RIMKLB: variants seen among roughly 807,000 people sequenced by gnomAD.
RIMKLB encodes the protein beta-citrylglutamate synthase B.
In RIMKLB, 7 loss-of-function variants were observed where a neutral mutation model predicts 32.0. The ratio of observed to expected loss-of-function variants is 0.22; its 90% CI spans 0.12 to 0.41. RIMKLB has a LOEUF of 0.41. Among genes scored for constraint, RIMKLB ranks in the 10% least tolerant of loss-of-function variants. The pLI is 1.00. For missense variants in RIMKLB, 289 were observed against 498.7 expected (o/e 0.58, Z 4.00); for synonymous variants, 172 against 185.1 (o/e 0.93, Z 0.57).
upstream of RIMKLB, among the ~76,000 whole-genome samples, chr12:8,695,191 GC>G (rs1942849614): frequency 2.4e-5 from 2 of 82,884 alleles, no homozygotes; most frequent in Admixed American, 1.2e-4. Flanking sequence ...GCACCGCCCC[GC>G]CCCCCCGCCC....
intron 4 of RIMKLB, among the ~76,000 whole-genome samples, chr12:8,752,519 T>C (rs1452584613): frequency 6.6e-6 from 1 of 151,962 alleles, no homozygotes; most frequent in Non-Finnish European, 1.5e-5. Context: ...ACCACTGCAC[T>C]CCAACCTGGT....
chr12:8,713,323 A>G (rs751584452), intron 1 of RIMKLB, among the ~76,000 whole-genome samples: 9 of 152,218 alleles, frequency 5.9e-5, no homozygotes, highest in Admixed American at 1.3e-4. Context: ...CTACATACCT[A>G]TAACAAAACC....
At chr12:8,717,608 A>G (rs1228271110) in intron 2 of RIMKLB, among the ~76,000 whole-genome samples, 5 of 152,154 alleles carry the variant, frequency 3.3e-5, no homozygotes, top group Admixed American at 1.3e-4. Flanking sequence ...ATTCTCCCTT[A>G]CTTCCAGATA....
chr12:8,765,483 G>GCTAA (rs1949880242), intron 5 of RIMKLB, among the ~76,000 whole-genome samples: 1 of 152,146 alleles, frequency 6.6e-6, no homozygotes, highest in Non-Finnish European at 1.5e-5. Flanking sequence ...GTTAGTGTCT[G>GCTAA]ATTTAGCAGT....
chr12:8,722,051 G>C (rs905505255), intron 2 of RIMKLB, among the ~76,000 whole-genome samples: 23 of 152,010 alleles, frequency 1.5e-4, no homozygotes, highest in Non-Finnish European at 2.8e-4. Flanking sequence ...GCCTATGAGT[G>C]TTCTTAATGG....
intron 5 of RIMKLB, among the ~76,000 whole-genome samples, chr12:8,768,010 G>A (rs1274729408): frequency 6.6e-6 from 1 of 152,142 alleles, no homozygotes; most frequent in East Asian, 1.9e-4. Context: ...TGGCGGCAGG[G>A]CCACTTCCAA....
chr12:8,748,522 G>GTGTC (rs1447529644), intron 2 of RIMKLB, among the ~76,000 whole-genome samples: 1 of 81,940 alleles, frequency 1.2e-5, no homozygotes, highest in Non-Finnish European at 2.8e-5. Context: ...GATTATTCGT[G>GTGTC]TGTGTGTGTG....
At position 8,776,552 on chromosome 12, in the gene RIMKLB, TC is replaced by T. The variant is rs1950737658; in HGVS notation, c.*2769del. ...TTTTGTATATTGTTAAAATTGTAATTCTAAATTGTATTTCAAAAATGATTAT... is the reference window on the plus strand; with the variant it reads ...TTTTGTATATTGTTAAAATTGTAATTTAAATTGTATTTCAAAAATGATTAT... On this transcript the variant is annotated 3_prime_UTR_variant, in exon 6 of 6. Coordinates refer to ENST00000535829, the MANE Select transcript of RIMKLB (RefSeq NM_001297776.2). 1.2e-6 allele frequency: 1 copy of T among 809,220 alleles called. No individual in the cohort carries two copies. The allele number at this position is 809,220 out of a possible 1,614,324, so 50.1% of individuals were successfully genotyped here.
the RIMKLB span, among the ~76,000 whole-genome samples, chr12:8,676,382 CTTTTTTTTTTTTTTTTTT>C: frequency 8.0e-5 from 3 of 37,310 alleles, no homozygotes; most frequent in Non-Finnish European, 1.4e-4. Flanking sequence ...CCCCCAACAG[CTTTTTTTTTTTTTTTTTT>C]TTTTTTTTTT....
upstream of RIMKLB, among the ~76,000 whole-genome samples, chr12:8,695,639 C>G (rs1299525807): frequency 6.6e-6 from 1 of 150,884 alleles, no homozygotes; most frequent in African/African-American, 2.4e-5. Context: ...TTGTTACATA[C>G]ATGAGAATAT....
the RIMKLB span, among the ~76,000 whole-genome samples, chr12:8,676,384 T>TC: frequency 2.4e-5 from 1 of 42,274 alleles, no homozygotes; most frequent in Non-Finnish European, 4.7e-5. Flanking sequence ...CCCAACAGCT[T>TC]TTTTTTTTTT....
At chr12:8,677,072 T>C (rs918763904), upstream of RIMKLB, among the ~76,000 whole-genome samples, 1 of 152,146 alleles carries the variant, frequency 6.6e-6, no homozygotes, top group Non-Finnish European at 1.5e-5. Context: ...GGGTATACAG[T>C]CTGGAATCTA....
intron 1 of RIMKLB, among the ~76,000 whole-genome samples, chr12:8,705,835 G>C (rs1591652668): frequency 6.6e-6 from 1 of 152,284 alleles, no homozygotes; most frequent in Non-Finnish European, 1.5e-5. Flanking sequence ...AACTCAGGTA[G>C]CATTTCTGTG....
chr12:8,711,069 G>C (rs966205185), intron 1 of RIMKLB, among the ~76,000 whole-genome samples: 1 of 150,118 alleles, frequency 6.7e-6, no homozygotes, highest in African/African-American at 2.5e-5. Flanking sequence ...CTACTAAAAA[G>C]AGAAAAGTAC....
intron 4 of RIMKLB, 131 bp from the exon 5 acceptor site, chr12:8,753,759 C>A: frequency 1.4e-6 from 1 of 692,996 alleles, no homozygotes. Context: ...ACAGTTCTAA[C>A]AAAGAAAACT....
chr12:8,686,610 G>T (rs909183726), intron 1 of RIMKLB, among the ~76,000 whole-genome samples: 7 of 152,040 alleles, frequency 4.6e-5, no homozygotes, highest in African/African-American at 1.7e-4. Context: ...CTCGCAAGTA[G>T]CTGGGACTAC....
chr12:8,727,577 T>A (rs1946146024), intron 2 of RIMKLB, among the ~76,000 whole-genome samples: 1 of 152,192 alleles, frequency 6.6e-6, no homozygotes. Context: ...CATCTGAATT[T>A]CACATTCACA....
downstream of RIMKLB, chr12:8,777,219 T>C (rs1592045803): frequency 1.1e-6 from 1 of 938,144 alleles, no homozygotes; most frequent in South Asian, 5.0e-5. Flanking sequence ...TGCTTTCTTT[T>C]TTTTTTTTTT....
At chr12:8,750,300 G>A (rs1948508590) in intron 3 of RIMKLB, among the ~76,000 whole-genome samples, 1 of 152,170 alleles carries the variant, frequency 6.6e-6, no homozygotes, top group Non-Finnish European at 1.5e-5. Context: ...GGGCAAGATT[G>A]TAAGTATTTT....
Sources: gnomAD v4.1 joint callset for allele counts (sites outside exome capture counted in the v4.1 genomes callset) on GRCh38, gnomAD v4.1.1 for gene constraint, MANE v1.5 for transcripts, NCBI Gene and HGNC (gene_info 2026-07-23, HGNC 2026-07-21) for gene names.